The following ANXA4 variants were observed in gnomAD, a reference collection of about 807,000 sequenced individuals.
The protein encoded by ANXA4 is 35-beta calcimedin.
Under a neutral mutation model 49.8 loss-of-function variants are expected in ANXA4, and 39 were observed. The observed-to-expected ratio is 0.78, with a 90% CI of 0.61 to 1.02. The LOEUF (loss-of-function observed/expected upper bound fraction) is 1.02. Ranked by LOEUF, ANXA4 falls within the 50% of genes least tolerant of loss-of-function variation. ANXA4 has a pLI of 0.00. For synonymous variants in ANXA4, 134 were observed against 152.5 expected, an observed-to-expected ratio of 0.88 and a Z score of 0.89; for missense variants, 360 against 410.1, an observed-to-expected ratio of 0.88 and a Z score of 1.05.
chr2:69,738,325 C>G (rs114374655), upstream of ANXA4, among the ~76,000 whole-genome samples: 1,680 of 152,206 alleles, frequency 0.011, 32 homozygotes, highest in African/African-American at 0.037. Context: ...GAAAAGTATT[C>G]CAAACTCTCC....
intron 1 of ANXA4, among the ~76,000 whole-genome samples, chr2:69,755,727 C>T (rs1671017637): frequency 6.6e-6 from 1 of 152,046 alleles, no homozygotes; most frequent in African/African-American, 2.4e-5. Flanking sequence ...GCTGAATTGT[C>T]CTTGTATCAG....
intron 8 of ANXA4, among the ~76,000 whole-genome samples, chr2:69,814,069 A>G (rs1673839233): frequency 6.6e-6 from 1 of 151,846 alleles, no homozygotes; most frequent in Non-Finnish European, 1.5e-5. Flanking sequence ...TAGACCCAGT[A>G]TTCTTAACCA....
At position 69,691,595 on chromosome 2, in the gene ANXA4, A is replaced by G. The variant is rs1677970577; in HGVS notation, n.767-29179A>G. Among the ~76,000 whole-genome samples the G allele has an allele frequency of 2.0e-5, 3 of 151,588 alleles. No homozygotes were observed. The South Asian group carries it at 6.2e-4, about 31-fold the overall frequency. ...CATGCACACACACACACACACACAC[A>G]CACAGACGCATGCACATATGCATGC... On this transcript the variant is annotated intron_variant and non_coding_transcript_variant, in intron 2 of 3. Coordinates refer to the ANXA4 transcript ENST00000418066.
intron 1 of ANXA4, among the ~76,000 whole-genome samples, chr2:69,745,045 C>G (rs1172609314): frequency 6.6e-6 from 1 of 152,054 alleles, no homozygotes; most frequent in Admixed American, 6.6e-5. Context: ...CTGCAGTGAG[C>G]TATGATTGTG....
intron 2 of ANXA4, among the ~76,000 whole-genome samples, chr2:69,656,251 GTATATACGTA>G (rs1676448424): frequency 1.3e-5 from 1 of 77,064 alleles, no homozygotes; most frequent in South Asian, 5.4e-4. Context: ...GTATATATAT[GTATATACGTA>G]TATATATGTA....
intron 2 of ANXA4, among the ~76,000 whole-genome samples, chr2:69,719,133 C>G (rs977619152): frequency 1.3e-5 from 2 of 151,866 alleles, no homozygotes; most frequent in Non-Finnish European, 2.9e-5. Context: ...CCTGCCACCA[C>G]GCCCAGCTAA....
chr2:69,647,558 G>A lies in ANXA4; in HGVS notation n.481+2653G>A, dbSNP rs182795218. 2.4e-3 allele frequency among the ~76,000 whole-genome samples: 370 copies of A among 151,962 alleles called. 4 individuals carry two copies. Among genetic ancestry groups the A allele is most frequent in the Middle Eastern group, 0.024 (7 of 294 alleles). ...CGAGTAGCGGGGACTACAGGTGTGT[G>A]CCACCATGCCTGGCTAATTTTTTGT... On this transcript the variant is annotated intron_variant and non_coding_transcript_variant, in intron 1 of 3. Transcript: ENST00000418066.
chr2:69,800,745 G>A (rs1432088419), intron 3 of ANXA4, among the ~76,000 whole-genome samples: 1 of 151,900 alleles, frequency 6.6e-6, no homozygotes, highest in African/African-American at 2.4e-5. Context: ...GGGGAGTCAT[G>A]GTAAATCCAC....
chr2:69,772,379 C>A (rs1023424990), intron 1 of ANXA4, among the ~76,000 whole-genome samples: 1 of 152,196 alleles, frequency 6.6e-6, no homozygotes, highest in Non-Finnish European at 1.5e-5. Flanking sequence ...CGGGCAGAGG[C>A]TCTGCTAAGA....
At chr2:69,702,257 C>A (rs1197266534) in intron 2 of ANXA4, among the ~76,000 whole-genome samples, 1 of 152,096 alleles carries the variant, frequency 6.6e-6, no homozygotes, top group Non-Finnish European at 1.5e-5. Context: ...AAATGATCCG[C>A]CTGCCTCAGC....
At chr2:69,740,341 T>C (rs1479332303), upstream of ANXA4, among the ~76,000 whole-genome samples, 2 of 152,166 alleles carry the variant, frequency 1.3e-5, no homozygotes, top group African/African-American at 4.8e-5. Context: ...CCTGGCCTAA[T>C]TGTTGCTTGT....
chr2:69,740,775 G>A (rs1358657980), upstream of ANXA4, among the ~76,000 whole-genome samples: 3 of 140,990 alleles, frequency 2.1e-5, no homozygotes, highest in South Asian at 2.2e-4. Context: ...TCTGCCTCCC[G>A]GGCTTGGGTG....
chr2:69,799,876 T>A (rs532878075), intron 3 of ANXA4, among the ~76,000 whole-genome samples: 2 of 152,350 alleles, frequency 1.3e-5, no homozygotes, highest in Admixed American at 1.3e-4. Context: ...TCAGCCTCAA[T>A]GTTGCTAACA....
intron 2 of ANXA4, among the ~76,000 whole-genome samples, chr2:69,710,148 C>G (rs908844703): frequency 6.6e-6 from 1 of 151,828 alleles, no homozygotes; most frequent in East Asian, 1.9e-4. Context: ...CCACCACGCC[C>G]GGCTAATTTT....
At position 69,742,187 on chromosome 2, in the gene ANXA4, AAAGGGGCT is replaced by A. The variant is rs1395454811; in HGVS notation, c.-47+13_-47+20del. The A allele has an allele frequency of 6.6e-6, 1 of 151,698 alleles. No homozygotes were observed. The highest frequency in any genetic ancestry group is 1.5e-5 in the Non-Finnish European group (1 of 68,020). 9.4% of individuals were successfully genotyped at this position (151,698 alleles called of 1,614,324 possible). On this transcript the variant is annotated intron_variant, in intron 1 of 12. Coordinates refer to ENST00000394295, the MANE Select transcript of ANXA4 (RefSeq NM_001153.5). Reference sequence around the variant, plus strand: ...GCAGCCCGGCCTCGGTACGAGGGGTAAAGGGGCTCCGGGCCGGGGGTCCTGGGCTCAGG... The same window carrying A: ...GCAGCCCGGCCTCGGTACGAGGGGTACCGGGCCGGGGGTCCTGGGCTCAGG...
intron 2 of ANXA4, among the ~76,000 whole-genome samples, chr2:69,665,396 C>A (rs1206788619): frequency 2.6e-5 from 4 of 152,098 alleles, no homozygotes; most frequent in Non-Finnish European, 5.9e-5. Context: ...CTCATGGCAG[C>A]CAGGCAACAC....
chr2:69,711,918 G>A (rs561693666), intron 2 of ANXA4, among the ~76,000 whole-genome samples: 2 of 151,878 alleles, frequency 1.3e-5, no homozygotes, highest in African/African-American at 4.8e-5. Flanking sequence ...GGGCATGATG[G>A]GGGGGTCTCT....
intron 1 of ANXA4, among the ~76,000 whole-genome samples, chr2:69,751,327 G>A (rs180945850): frequency 2.2e-4 from 33 of 151,996 alleles, no homozygotes; most frequent in South Asian, 8.3e-4. Flanking sequence ...CAGCCTGGGC[G>A]AAACCCTTTC....
intron 12 of ANXA4, among the ~76,000 whole-genome samples, chr2:69,821,698 C>T (rs931845422): frequency 6.6e-6 from 1 of 152,080 alleles, no homozygotes; most frequent in Non-Finnish European, 1.5e-5. Flanking sequence ...GTGATCCACC[C>T]GTCTCGGCCT....
Sources: allele counts gnomAD v4.1 joint callset (sites outside exome capture counted in the v4.1 genomes callset), GRCh38; gene constraint gnomAD v4.1.1; transcripts MANE v1.5; gene names NCBI Gene and HGNC (gene_info 2026-07-23, HGNC 2026-07-21).